SLBP: variants seen among roughly 807,000 people sequenced by gnomAD.
SLBP encodes the protein stem-loop histone mRNA binding protein, also known as histone RNA hairpin-binding protein.
Under a neutral mutation model 39.2 loss-of-function variants are expected in SLBP, and 29 were observed. The ratio of observed to expected loss-of-function variants is 0.74; its 90% confidence interval spans 0.55 to 1.01. The LOEUF is 1.01. Among genes scored for constraint, SLBP ranks in the 50% least tolerant of loss-of-function variants. SLBP has a pLI of 0.00. For missense variants in SLBP, 390 were observed against 350.2 expected, an observed-to-expected ratio of 1.11 and a Z score of -0.91; for synonymous variants, 129 against 118.7, an observed-to-expected ratio of 1.09 and a Z score of -0.57.
In SLBP at chr4:1,711,903, C is replaced by T; in HGVS notation, c.147G>A (p.Glu49=). The T allele has an allele frequency of 7.3e-7, 1 of 1,368,322 alleles. No homozygotes were observed. Among genetic ancestry groups the T allele is most frequent in the Non-Finnish European group, 9.4e-7 (1 of 1,060,006 alleles). The allele number at this position is 1,368,322 out of a possible 1,614,324, so 84.8% of individuals were successfully genotyped here. A position where few individuals can be genotyped will look rare whatever the true frequency, so the allele number is the denominator to read the frequency against. The part of the protein sequence containing the change: ...RWRPEDAEEA[E]HRGAERRPES... Reference sequence around the variant, plus strand: ...CGGGTCTGCGCTCGGCGCCGCGGTGCTCTGCCTCCTCGGCGTCTTCGGGCC... The same window carrying T: ...CGGGTCTGCGCTCGGCGCCGCGGTGTTCTGCCTCCTCGGCGTCTTCGGGCC... Residue 49 remains glutamate (E), a synonymous_variant, in exon 2 of 8, where the codon GAG becomes GAA. Coordinates refer to ENST00000489418, the MANE Select transcript of SLBP (RefSeq NM_006527.4).
intron 5 of SLBP, among the ~76,000 whole-genome samples, chr4:1,696,674 G>C (rs560218432): frequency 1.3e-5 from 2 of 152,126 alleles, no homozygotes; most frequent in African/African-American, 2.4e-5. Flanking sequence ...AAGGTGGGTG[G>C]ATCACCTGAG....
intron 3 of SLBP, 54 bp from the exon 4 acceptor site, chr4:1,700,124 C>T: frequency 7.4e-7 from 1 of 1,354,780 alleles, no homozygotes; most frequent in Non-Finnish European, 1.0e-6. Context: ...AATAAAGCAG[C>T]CAGGTCTGAG....
At chr4:1,707,862 C>T (rs542245814) in intron 2 of SLBP, among the ~76,000 whole-genome samples, 10 of 152,068 alleles carry the variant, frequency 6.6e-5, no homozygotes, top group Non-Finnish European at 1.2e-4. Flanking sequence ...AGGCTGATCA[C>T]TAAGTCAGGA....
rs183099868 is a variant in SLBP at position 1,705,267 on chromosome 4, T to C, written c.177-1567A>G. On this transcript the variant is annotated intron_variant, in intron 2 of 7. Transcript: ENST00000489418. ...TAATTCCTGTTAAGTGTGAGAAGAA[T>C]TGTCTTCTGTTCTCTCTCCATTCTC... Among the ~76,000 whole-genome samples the C allele has an allele frequency of 6.6e-5, 10 of 152,344 alleles. No individual in the cohort carries two copies. In the East Asian group the frequency reaches 1.5e-3, roughly 24 times the overall value.
rs1716790260 is a variant in SLBP, at chr4:1,711,891, G to C, written c.159C>G (p.Ala53=). 3 of 1,357,854 alleles carry C rather than the reference G, an allele frequency of 2.2e-6. No individual in the cohort carries two copies. Among genetic ancestry groups the C allele is most frequent in the Non-Finnish European group, 1.9e-6 (2 of 1,054,664 alleles). The allele number at this position is 1,357,854 out of a possible 1,614,324, so 84.1% of individuals were successfully genotyped here. The change falls in exon 2 of 8, where the codon GCC becomes GCG. Residue 53 remains alanine, a synonymous_variant. Transcript: ENST00000489418. ...GCGCCCACCTCTCGGGTCTGCGCTCGGCGCCGCGGTGCTCTGCCTCCTCGG... is the reference window on the plus strand; with the variant it reads ...GCGCCCACCTCTCGGGTCTGCGCTCCGCGCCGCGGTGCTCTGCCTCCTCGG... ...EDAEEAEHRG[A]ERRPESFTTP...
chr4:1,698,090 G>A (rs1010713102), intron 5 of SLBP, among the ~76,000 whole-genome samples: 3 of 151,818 alleles, frequency 2.0e-5, no homozygotes, highest in Non-Finnish European at 4.4e-5. Context: ...GGTTGGGCGT[G>A]GTGGCTCACC....
At chr4:1,706,632 C>G (rs1443885700) in intron 2 of SLBP, among the ~76,000 whole-genome samples, 4 of 151,976 alleles carry the variant, frequency 2.6e-5, no homozygotes, top group Admixed American at 1.3e-4. Context: ...ATGGTGAAAC[C>G]CAGCGTCTAC....
chr4:1,693,552 C>T lies in SLBP; in HGVS notation c.*45G>A. ...GCTTGGTGCCTGGCCAGCCTTCCAC[C>T]TAGTCGGGGAGGAGCTGTTTCTCTT... On this transcript the variant is annotated 3_prime_UTR_variant, in exon 8 of 8. Coordinates refer to ENST00000489418, the MANE Select transcript of SLBP (RefSeq NM_006527.4). The T allele has an allele frequency of 8.4e-7, 1 of 1,186,204 alleles. No individual in the cohort carries two copies. The highest frequency in any genetic ancestry group is 1.3e-6 in the Non-Finnish European group (1 of 790,626). The allele number at this position is 1,186,204 out of a possible 1,614,324, so 73.5% of individuals were successfully genotyped here. A position where few individuals can be genotyped will look rare whatever the true frequency, so the allele number is the denominator to read the frequency against.
chr4:1,705,542 G>T (rs1414274249), intron 2 of SLBP, among the ~76,000 whole-genome samples: 3 of 152,254 alleles, frequency 2.0e-5, no homozygotes, highest in South Asian at 4.1e-4. Context: ...TGAATTATCT[G>T]TAAGTCTGAG....
intron 5 of SLBP, among the ~76,000 whole-genome samples, chr4:1,696,646 C>G (rs974209434): frequency 1.3e-5 from 2 of 152,074 alleles, no homozygotes; most frequent in Non-Finnish European, 2.9e-5. Flanking sequence ...ACCTATAATC[C>G]TAGCATTTTG....
rs1716044546 is a variant in SLBP at position 1,694,793 on chromosome 4, G to C, written c.677C>G (p.Thr226Ser). Reference protein sequence around the residue: ...ESAESSSEPQTSSQDDFDVYS... With the variant: ...ESAESSSEPQSSSQDDFDVYS... Reference sequence around the variant, plus strand: ...ACTTACAAAGTCATCCTGAGAGCTGGTCTGGGGCTCGGAGCTGCTTTCTGC... The same window carrying C: ...ACTTACAAAGTCATCCTGAGAGCTGCTCTGGGGCTCGGAGCTGCTTTCTGC... The change falls in exon 7 of 8, where the codon ACC (threonine) becomes AGC (serine). Residue 226 changes from threonine (T) to serine (S), a missense_variant. Thr to Ser is a moderately conservative substitution (Grantham distance 58, BLOSUM62 1). Coordinates refer to ENST00000489418, the MANE Select transcript of SLBP (RefSeq NM_006527.4). 1 of 1,613,494 alleles carries C rather than the reference G, an allele frequency of 6.2e-7. No homozygotes were observed. The highest frequency in any genetic ancestry group is 8.5e-7 in the Non-Finnish European group (1 of 1,179,408).
chr4:1,697,409 C>A (rs1299739833), intron 5 of SLBP, among the ~76,000 whole-genome samples: 2 of 151,864 alleles, frequency 1.3e-5, no homozygotes, highest in Non-Finnish European at 2.9e-5. Context: ...GCGGAGGTTG[C>A]AGTGAGCCAA....
intron 5 of SLBP, among the ~76,000 whole-genome samples, chr4:1,697,666 C>T (rs1476547206): frequency 2.0e-5 from 3 of 151,846 alleles, no homozygotes; most frequent in African/African-American, 4.8e-5. Flanking sequence ...CATGGAGAAA[C>T]ACCATCTGTA....
rs1476456030 is a variant in SLBP at position 1,700,069 on chromosome 4, A to G, written c.283T>C (p.Tyr95His). 6.3e-7 allele frequency: 1 copy of G among 1,586,740 alleles called. No homozygotes were observed. Among genetic ancestry groups the G allele is most frequent in the East Asian group, 2.2e-5 (1 of 44,710 alleles). ...RTRVNKEMAR[Y>H]KRKLLINDFG... is the part of the protein sequence containing the mutation. ...TCATTGATGAGGAGTTTCCTTTTAT[A>G]TCTGAGGGCAAAATAAATATTGCTG... is the stretch of plus-strand genomic sequence containing the variant. The change falls in exon 4 of 8, where the codon TAT becomes CAT. Residue 95 changes from tyrosine (Y) to histidine (H), a missense_variant and splice_region_variant. Tyr to His is a moderately conservative substitution (Grantham distance 83). Transcript: ENST00000489418.
At chr4:1,706,836 A>C (rs1203152645) in intron 2 of SLBP, among the ~76,000 whole-genome samples, 11 of 152,064 alleles carry the variant, frequency 7.2e-5, no homozygotes, top group Non-Finnish European at 1.6e-4. Context: ...AAAATAAATG[A>C]ATAAATAAAT....
intron 2 of SLBP, among the ~76,000 whole-genome samples, chr4:1,706,972 C>A (rs1356142481): frequency 6.7e-6 from 1 of 150,272 alleles, no homozygotes; most frequent in Non-Finnish European, 1.5e-5. Flanking sequence ...GTAATCCCAG[C>A]ACTTTGGGAG....
intron 2 of SLBP, among the ~76,000 whole-genome samples, chr4:1,707,843 G>A (rs1302003783): frequency 6.6e-6 from 1 of 152,164 alleles, no homozygotes; most frequent in Non-Finnish European, 1.5e-5. Context: ...CACTTTGGGA[G>A]GCTAAAGCAG....
intron 2 of SLBP, among the ~76,000 whole-genome samples, chr4:1,711,127 C>G (rs1250611478): frequency 6.7e-6 from 1 of 149,212 alleles, no homozygotes; most frequent in African/African-American, 2.4e-5. Context: ...TAATTTTTTC[C>G]TTTTGGCACA....
At position 1,711,874 on chromosome 4, in the gene SLBP, C is replaced by T; in HGVS notation, c.176G>A (p.Ser59Asn). The change falls in exon 2 of 8, where the codon AGC becomes AAC. Residue 59 changes from serine to asparagine, a missense_variant and splice_region_variant. Transcript: ENST00000489418. ...CCCGACCCCCGGGTCCCGCGCCCAC[C>T]TCTCGGGTCTGCGCTCGGCGCCGCG... ...EHRGAERRPE[S>N]FTTPEGPKPR... The T allele has an allele frequency of 7.5e-7, 1 of 1,339,856 alleles. No individual in the cohort carries two copies. The highest frequency in any genetic ancestry group is 9.6e-7 in the Non-Finnish European group (1 of 1,044,852). The allele number at this position is 1,339,856 out of a possible 1,614,324, so 83.0% of individuals were successfully genotyped here.
Sources: allele counts gnomAD v4.1 joint callset (sites outside exome capture counted in the v4.1 genomes callset), GRCh38; gene constraint gnomAD v4.1.1; transcripts MANE v1.5; gene names NCBI Gene and HGNC (gene_info 2026-07-23, HGNC 2026-07-21).